PDE3B: variants seen among roughly 807,000 people sequenced by gnomAD.
PDE3B encodes the protein cGMP-inhibited 3',5'-cyclic phosphodiesterase 3B.
Under a neutral mutation model 116.8 loss-of-function variants are expected in PDE3B, and 66 were observed. The ratio of observed to expected loss-of-function variants is 0.56; its 90% CI spans 0.46 to 0.69. The LOEUF is 0.69. Among genes scored for constraint, PDE3B ranks in the 30% least tolerant of loss-of-function variants. The pLI is 0.00. For missense variants in PDE3B, 1,384 were observed against 1,368.1 expected (o/e 1.01, Z -0.18); for synonymous variants, 595 against 533.6 (o/e 1.12, Z -1.59).
intron 12 of PDE3B, 88 bp downstream of exon 12, chr11:14,844,114 CAT>C (rs771121419): frequency 1.7e-5 from 16 of 937,192 alleles, no homozygotes; most frequent in Non-Finnish European, 2.6e-5. Flanking sequence ...TCAGTTGAAT[CAT>C]ATGTCCAATC....
At chr11:14,788,739 A>G (rs968243586) in intron 3 of PDE3B, among the ~76,000 whole-genome samples, 1 of 151,988 alleles carries the variant, frequency 6.6e-6, no homozygotes, top group Non-Finnish European at 1.5e-5. Context: ...TTTAGAATAT[A>G]GGGCTGATCA....
At position 14,656,312 on chromosome 11, in the gene PDE3B, G is replaced by A. The variant is rs184681776; in HGVS notation, c.978+11259G>A. On this transcript the variant is annotated intron_variant, in intron 1 of 15. Transcript: ENST00000282096. ...CCTCTTTTACATCTCTAAATGGGAT[G>A]TAAACTCCCTGAGTGTAAGAACTAA... 8.1e-4 allele frequency among the ~76,000 whole-genome samples: 123 copies of A among 152,296 alleles called. 1 individual carries two copies. Among genetic ancestry groups the A allele is most frequent in the African/African-American group, 2.8e-3 (118 of 41,558 alleles).
chr11:14,732,081 A>C (rs967787858), intron 1 of PDE3B, among the ~76,000 whole-genome samples: 1 of 152,134 alleles, frequency 6.6e-6, no homozygotes, highest in Non-Finnish European at 1.5e-5. Context: ...TATGGGAAGG[A>C]GACATGCGGA....
chr11:14,891,634 G>T, the PDE3B span: 1 of 1,104,704 alleles, frequency 9.1e-7, no homozygotes, highest in Non-Finnish European at 1.1e-6. Context: ...GCACCTGAGG[G>T]CATGCGTCCA....
In PDE3B at chr11:14,819,181, TG is replaced by T; in HGVS notation, c.1781del (p.Gly594ValfsTer48). 6.3e-7 allele frequency: 1 copy of T among 1,594,594 alleles called. No individual in the cohort carries two copies. Among genetic ancestry groups the T allele is most frequent in the Non-Finnish European group, 8.6e-7 (1 of 1,167,046 alleles). On this transcript the variant is annotated frameshift_variant, in exon 7 of 16. Coordinates refer to ENST00000282096, the MANE Select transcript of PDE3B (RefSeq NM_000922.4). LOFTEE classifies it high-confidence loss of function. ...AATATGTTTCAACATCTGAATCAGA[TG>T]GTACAGATTGCTGCAGTGGAAAATC... ...LKYVSTSESD[G>X]TDCCSGKSGE...
chr11:14,711,270 TG>T (rs1277800165), intron 1 of PDE3B, among the ~76,000 whole-genome samples: 34 of 152,340 alleles, frequency 2.2e-4, no homozygotes, highest in African/African-American at 8.2e-4. Flanking sequence ...TAATCTTTAA[TG>T]TCCCTTCTTA....
intron 1 of PDE3B, among the ~76,000 whole-genome samples, chr11:14,683,740 T>A (rs917487563): frequency 2.0e-5 from 3 of 152,120 alleles, no homozygotes; most frequent in Non-Finnish European, 4.4e-5. Flanking sequence ...CTTTTCCTAA[T>A]TTGTTAAGAT....
chr11:14,733,336 T>C (rs993918627), intron 1 of PDE3B, among the ~76,000 whole-genome samples: 2 of 152,214 alleles, frequency 1.3e-5, no homozygotes, highest in African/African-American at 4.8e-5. Flanking sequence ...TAATTTTTTA[T>C]TTTTTCTGTT....
intron 11 of PDE3B, among the ~76,000 whole-genome samples, chr11:14,836,506 A>G (rs1435411048): frequency 1.3e-5 from 2 of 152,000 alleles, no homozygotes; most frequent in Non-Finnish European, 1.5e-5. Context: ...CAGCCTCTCC[A>G]TTGTCTAATT....
Position 14,843,899 on chromosome 11 carries a change from G to A in PDE3B, c.2393G>A (p.Ser798Asn). ...SSKSCSNPDE[S>N]YGCLSSNIPA... ...AAGAGCTGCTCTAATCCTGATGAGAGTTATGGCTGCCTGTCTTCAAACATT... is the reference window on the plus strand; with the variant it reads ...AAGAGCTGCTCTAATCCTGATGAGAATTATGGCTGCCTGTCTTCAAACATT... The change falls in exon 12 of 16, where the codon AGT (serine) becomes AAT (asparagine). Residue 798 changes from serine (S) to asparagine (N), a missense_variant. Coordinates refer to ENST00000282096, the MANE Select transcript of PDE3B (RefSeq NM_000922.4). 5 of 1,614,116 alleles carry A rather than the reference G, an allele frequency of 3.1e-6. No homozygotes were observed. Among genetic ancestry groups the A allele is most frequent in the Non-Finnish European group, 4.2e-6 (5 of 1,179,958 alleles).
At chr11:14,899,118 T>G in the PDE3B span, among the ~76,000 whole-genome samples, 1 of 152,212 alleles carries the variant, frequency 6.6e-6, no homozygotes, top group East Asian at 1.9e-4. Context: ...TGAAGAGCCA[T>G]GAACCCTGAC....
intron 5 of PDE3B, among the ~76,000 whole-genome samples, chr11:14,817,010 C>T (rs866018708): frequency 2.2e-4 from 33 of 152,264 alleles, no homozygotes; most frequent in African/African-American, 7.5e-4. Context: ...CGGCACTATT[C>T]ACAGTAGCAA....
At chr11:14,855,532 T>C (rs1270470558) in intron 12 of PDE3B, among the ~76,000 whole-genome samples, 1 of 152,174 alleles carries the variant, frequency 6.6e-6, no homozygotes, top group Non-Finnish European at 1.5e-5. Context: ...TATTGTGGGA[T>C]AGGCACTATT....
chr11:14,678,285 A>G (rs1854592766), intron 1 of PDE3B, among the ~76,000 whole-genome samples: 1 of 152,134 alleles, frequency 6.6e-6, no homozygotes, highest in South Asian at 2.1e-4. Flanking sequence ...TTGATTAGGA[A>G]TAGAACTGCT....
chr11:14,647,017 T>G (rs979859766), intron 1 of PDE3B, among the ~76,000 whole-genome samples: 1 of 152,084 alleles, frequency 6.6e-6, no homozygotes, highest in Non-Finnish European at 1.5e-5. Context: ...TAGAAAAGGG[T>G]ATTTTTAACT....
At chr11:14,668,531 C>A (rs1014444994) in intron 1 of PDE3B, among the ~76,000 whole-genome samples, 1 of 152,012 alleles carries the variant, frequency 6.6e-6, no homozygotes, top group Non-Finnish European at 1.5e-5. Flanking sequence ...CTCTGCAAAG[C>A]CATCAGATGT....
At chr11:14,809,755 A>G (rs1859066107) in intron 5 of PDE3B, among the ~76,000 whole-genome samples, 1 of 152,184 alleles carries the variant, frequency 6.6e-6, no homozygotes, top group African/African-American at 2.4e-5. Context: ...GATACAGTGA[A>G]AAAAGTACCA....
At chr11:14,890,980 GT>G in the PDE3B span, 2 of 985,262 alleles carry the variant, frequency 2.0e-6, no homozygotes, top group Non-Finnish European at 1.2e-6. Context: ...AATGAGATTA[GT>G]TTTCTCTCTC....
intron 1 of PDE3B, among the ~76,000 whole-genome samples, chr11:14,670,395 G>T (rs540743914): frequency 2.0e-4 from 31 of 152,194 alleles, no homozygotes; most frequent in African/African-American, 7.5e-4. Context: ...GTTTAGGAGG[G>T]TATTATAGGT....
Sources: allele counts gnomAD v4.1 joint callset (sites outside exome capture counted in the v4.1 genomes callset), GRCh38; gene constraint gnomAD v4.1.1; transcripts MANE v1.5; gene names NCBI Gene and HGNC (gene_info 2026-07-23, HGNC 2026-07-21).